Variants in SNTG1 observed in about 807,000 individuals in gnomAD.
SNTG1 encodes the protein gamma-1-syntrophin.
Under a neutral mutation model 74.7 loss-of-function variants are expected in SNTG1, and 39 were observed. The observed-to-expected ratio is 0.52, with a 90% CI of 0.40 to 0.68. SNTG1 has a LOEUF of 0.68. SNTG1 is among the 30% of genes least tolerant of loss of function. SNTG1 has a pLI of 0.00. For synonymous variants in SNTG1, 254 were observed against 217.1 expected, an observed-to-expected ratio of 1.17 and a Z score of -1.49; for missense variants, 685 against 609.5, an observed-to-expected ratio of 1.12 and a Z score of -1.30.
chr8:49,941,338 C>A (rs1239498453), intron 1 of SNTG1, among the ~76,000 whole-genome samples: 1 of 152,042 alleles, frequency 6.6e-6, no homozygotes, highest in Non-Finnish European at 1.5e-5. Flanking sequence ...GGAACTCCTA[C>A]ACCTTTAAGG....
At chr8:50,157,379 A>G (rs1163575275) in intron 1 of SNTG1, among the ~76,000 whole-genome samples, 2 of 152,120 alleles carry the variant, frequency 1.3e-5, no homozygotes, top group Non-Finnish European at 2.9e-5. Context: ...TGTGTCTTTC[A>G]TATATGAGTA....
intron 1 of SNTG1, among the ~76,000 whole-genome samples, chr8:50,062,186 G>A (rs1342943457): frequency 6.6e-6 from 1 of 152,040 alleles, no homozygotes; most frequent in Non-Finnish European, 1.5e-5. Context: ...TGGGAGTATA[G>A]GTGCATGTCA....
At chr8:50,700,609 T>C (rs991228318) in intron 15 of SNTG1, among the ~76,000 whole-genome samples, 4 of 152,200 alleles carry the variant, frequency 2.6e-5, no homozygotes, top group Admixed American at 1.3e-4. Flanking sequence ...TTTTCAGGCT[T>C]GCACCAGGTT....
chr8:50,232,562 G>A (rs2085684194), intron 2 of SNTG1, among the ~76,000 whole-genome samples: 1 of 151,342 alleles, frequency 6.6e-6, no homozygotes, highest in South Asian at 2.1e-4. Context: ...CAATTTTTGT[G>A]AACATAGTCC....
In SNTG1 at chr8:50,250,566, A is replaced by G. The variant is rs146473040; in HGVS notation, c.-28+77931A>G. 2.2e-3 allele frequency among the ~76,000 whole-genome samples: 332 copies of G among 152,298 alleles called. 2 individuals carry two copies. The highest frequency in any genetic ancestry group is 7.5e-3 in the African/African-American group (310 of 41,588). ...CAAAGAATTCTAAAAGCTGCAAGAGATAAATGTCAAGTTACATATAGGGGA... is the reference window on the plus strand; with the variant it reads ...CAAAGAATTCTAAAAGCTGCAAGAGGTAAATGTCAAGTTACATATAGGGGA... On this transcript the variant is annotated intron_variant, in intron 2 of 18. Coordinates refer to ENST00000642720, the MANE Select transcript of SNTG1 (RefSeq NM_018967.5).
intron 1 of SNTG1, among the ~76,000 whole-genome samples, chr8:49,921,471 A>G (rs189968576): frequency 1.3e-5 from 2 of 152,290 alleles, no homozygotes; most frequent in East Asian, 3.9e-4. Flanking sequence ...AAGGATAGAC[A>G]GTAGAAAGAT....
chr8:50,334,356 A>C (rs1298499094), intron 2 of SNTG1, among the ~76,000 whole-genome samples: 3 of 152,188 alleles, frequency 2.0e-5, no homozygotes, highest in Non-Finnish European at 4.4e-5. Flanking sequence ...TAAGCCAGTA[A>C]CTTTGTGGTG....
intron 2 of SNTG1, among the ~76,000 whole-genome samples, chr8:50,208,888 T>A (rs2084374608): frequency 6.6e-6 from 1 of 152,158 alleles, no homozygotes; most frequent in Non-Finnish European, 1.5e-5. Context: ...TTCATCTCAC[T>A]GGGGCTTGTC....
chr8:50,092,184 G>T (rs1425031004), intron 1 of SNTG1, among the ~76,000 whole-genome samples: 10 of 152,156 alleles, frequency 6.6e-5, no homozygotes, highest in Non-Finnish European at 1.5e-4. Flanking sequence ...CCCCGTTCCT[G>T]GAAGGAGGAC....
intron 12 of SNTG1, among the ~76,000 whole-genome samples, chr8:50,578,630 T>C (rs929453283): frequency 6.6e-6 from 1 of 152,172 alleles, no homozygotes; most frequent in Admixed American, 6.5e-5. Flanking sequence ...TGGGGGTAGT[T>C]ACCCTCATGC....
chr8:50,280,706 A>G (rs1440055485), intron 2 of SNTG1, among the ~76,000 whole-genome samples: 1 of 152,222 alleles, frequency 6.6e-6, no homozygotes, highest in Non-Finnish European at 1.5e-5. Flanking sequence ...ACCTGAAATC[A>G]GTAGAAAGGA....
At chr8:50,400,489 C>T (rs76536091) in intron 3 of SNTG1, among the ~76,000 whole-genome samples, 7,110 of 152,152 alleles carry the variant, frequency 0.047, 217 homozygotes, top group Middle Eastern at 0.095. Flanking sequence ...GCAGATGTCC[C>T]TTTGACATAC....
intron 9 of SNTG1, among the ~76,000 whole-genome samples, chr8:50,503,208 C>A (rs190163766): frequency 3.4e-3 from 516 of 152,098 alleles, no homozygotes; most frequent in Non-Finnish European, 6.1e-3. Context: ...TTTTCTCTAA[C>A]TAAAAATTAA....
intron 12 of SNTG1, among the ~76,000 whole-genome samples, chr8:50,558,809 C>T (rs1257779460): frequency 2.0e-5 from 3 of 151,770 alleles, no homozygotes; most frequent in Non-Finnish European, 4.4e-5. Context: ...TATTTTCAGA[C>T]AAATAGAAAA....
chr8:50,294,593 T>C (rs997826281), intron 2 of SNTG1, among the ~76,000 whole-genome samples: 23 of 152,266 alleles, frequency 1.5e-4, no homozygotes, highest in African/African-American at 5.3e-4. Context: ...AAGGAGTCAG[T>C]CTTTAGTTCT....
rs755497547 is a variant in SNTG1, at chr8:50,724,450, T to G, written c.1284+15472T>G. 2.6e-5 allele frequency among the ~76,000 whole-genome samples: 4 copies of G among 152,336 alleles called. No homozygotes were observed. In the East Asian group the frequency reaches 7.7e-4, roughly 29 times the overall value. On this transcript the variant is annotated intron_variant, in intron 17 of 18. Transcript: ENST00000642720. Reference sequence around the variant, plus strand: ...GATGTGATAATAAATAATTATTAGCTAACAAATTGGTTTCCTGGTATTGGT... The same window carrying G: ...GATGTGATAATAAATAATTATTAGCGAACAAATTGGTTTCCTGGTATTGGT...
chr8:50,631,948 T>C (rs138487198), intron 13 of SNTG1, among the ~76,000 whole-genome samples: 43 of 152,358 alleles, frequency 2.8e-4, no homozygotes, highest in African/African-American at 9.6e-4. Context: ...TTTACTAGTC[T>C]AGTTTTTAGA....
At chr8:50,148,708 T>C (rs567851485) in intron 1 of SNTG1, among the ~76,000 whole-genome samples, 1 of 152,326 alleles carries the variant, frequency 6.6e-6, no homozygotes, top group Admixed American at 6.5e-5. Context: ...GCTTCATCCA[T>C]GTCCATACAA....
At chr8:50,035,125 C>CA (rs1254233574) in intron 1 of SNTG1, among the ~76,000 whole-genome samples, 1 of 152,136 alleles carries the variant, frequency 6.6e-6, no homozygotes, top group Non-Finnish European at 1.5e-5. Flanking sequence ...GCATGCAGTG[C>CA]ACCAAACTTC....
Sources: allele counts gnomAD v4.1 joint callset (sites outside exome capture counted in the v4.1 genomes callset), GRCh38; gene constraint gnomAD v4.1.1; transcripts MANE v1.5; gene names NCBI Gene and HGNC (gene_info 2026-07-23, HGNC 2026-07-21).